The following SYT2 variants were observed in gnomAD, a reference collection of about 807,000 sequenced individuals.
SYT2 encodes the protein synaptotagmin-2.
A neutral mutation model predicts 39.9 loss-of-function variants in SYT2; 15 were observed. That is an observed-to-expected ratio of 0.38 (90% confidence interval 0.25 to 0.58). The LOEUF is 0.58. Ranked by LOEUF, SYT2 falls within the 20% of genes least tolerant of loss-of-function variation. The probability of loss-of-function intolerance (pLI) is 0.70; values close to 1 mark genes in which losing one functional copy is unlikely to be tolerated. For synonymous variants in SYT2, 181 were observed against 204.5 expected (o/e 0.89, Z 0.98); for missense variants, 389 against 530.3 (o/e 0.73, Z 2.62).
chr1:202,624,548 GGT>G (rs965615519), intron 1 of SYT2, among the ~76,000 whole-genome samples: 3 of 125,742 alleles, frequency 2.4e-5, no homozygotes, highest in Admixed American at 7.3e-5. Flanking sequence ...GGATGTGTGT[GGT>G]GTGTGTGGTG....
chr1:202,698,313 T>C (rs756635400), intron 1 of SYT2, among the ~76,000 whole-genome samples: 3 of 152,004 alleles, frequency 2.0e-5, no homozygotes, highest in African/African-American at 7.2e-5. Flanking sequence ...GCCAGGGCAA[T>C]CAATTACCCA....
At chr1:202,669,554 T>C (rs1318738132) in intron 1 of SYT2, among the ~76,000 whole-genome samples, 1 of 151,716 alleles carries the variant, frequency 6.6e-6, no homozygotes, top group East Asian at 1.9e-4. Flanking sequence ...GATCACACCA[T>C]TGCACTCCAG....
intron 1 of SYT2, among the ~76,000 whole-genome samples, chr1:202,709,562 G>A (rs1312084449): frequency 6.6e-6 from 1 of 152,264 alleles, no homozygotes; most frequent in Non-Finnish European, 1.5e-5. Flanking sequence ...CCGCCAGGCT[G>A]CGAGCCTAGC....
At chr1:202,707,376 G>A (rs925050707) in intron 1 of SYT2, among the ~76,000 whole-genome samples, 3 of 152,146 alleles carry the variant, frequency 2.0e-5, no homozygotes, top group Non-Finnish European at 4.4e-5. Context: ...ACTGCACTGA[G>A]TGACCCTGCC....
At chr1:202,657,473 G>T (rs1156740876) in intron 1 of SYT2, among the ~76,000 whole-genome samples, 1 of 152,164 alleles carries the variant, frequency 6.6e-6, no homozygotes, top group African/African-American at 2.4e-5. Flanking sequence ...GGCATGCAGT[G>T]ACTGGGGGCT....
In SYT2 at chr1:202,595,500, T is replaced by A. The variant is rs1363188208; in HGVS notation, c.*1257A>T. ...AGCAAGGAGTGGGAGTCGGGGGAAT[T>A]CCAGTGCTCCCCTATATCTCCTCCC... On this transcript the variant is annotated 3_prime_UTR_variant, in exon 9 of 9. Transcript: ENST00000367268. 1.3e-5 allele frequency: 2 copies of A among 152,224 alleles called. No homozygotes were observed. Among genetic ancestry groups the A allele is most frequent in the African/African-American group, 4.8e-5 (2 of 41,450 alleles). The allele number at this position is 152,224 out of a possible 1,614,324, so 9.4% of individuals were successfully genotyped here.
Position 202,601,845 on chromosome 1 carries a change from G to C in SYT2, c.801+45C>G. On this transcript the variant is annotated intron_variant, in intron 6 of 8. Coordinates refer to ENST00000367268, the MANE Select transcript of SYT2 (RefSeq NM_177402.5). This position sits in a 1 kb window ranked among gnomAD's most constrained non-coding sequence, Gnocchi z 4.0. ...CATGCCAAGAGGTGGAAGCCCACCT[G>C]TACATTCGTCTTTCTGCCCAACCTG... 1.3e-6 allele frequency: 2 copies of C among 1,592,040 alleles called. No homozygotes were observed.
At chr1:202,657,403 G>A (rs1692296289) in intron 1 of SYT2, among the ~76,000 whole-genome samples, 1 of 152,220 alleles carries the variant, frequency 6.6e-6, no homozygotes, top group African/African-American at 2.4e-5. Flanking sequence ...ATTTCCCTGG[G>A]AGGTGGGGTC....
chr1:202,695,925 C>A lies in SYT2; in HGVS notation c.-18+14333G>T, dbSNP rs752053242. On this transcript the variant is annotated intron_variant, in intron 1 of 8. Transcript: ENST00000367268. The stretch of plus-strand genomic sequence containing the variant: ...GTGCACTCCTCCATTTGTGATACCA[C>A]GGTCCCGACTCTGGGCTTGTTCTTC... Among the ~76,000 whole-genome samples, 3 of 152,250 alleles carry A rather than the reference C, an allele frequency of 2.0e-5. No homozygotes were observed. The South Asian group carries it at 6.2e-4, about 31-fold the overall frequency.
At chr1:202,706,818 A>G (rs1654264726) in intron 1 of SYT2, among the ~76,000 whole-genome samples, 1 of 152,238 alleles carries the variant, frequency 6.6e-6, no homozygotes, top group African/African-American at 2.4e-5. Flanking sequence ...TAGGGAATTT[A>G]GAACTGCATC....
chr1:202,664,705 G>A (rs533269072), intron 1 of SYT2, among the ~76,000 whole-genome samples: 149 of 152,318 alleles, frequency 9.8e-4, no homozygotes, highest in African/African-American at 3.4e-3. Flanking sequence ...TGTTGCCCAG[G>A]CTGAAGTGCA....
intron 1 of SYT2, among the ~76,000 whole-genome samples, chr1:202,658,253 A>C (rs188964377): frequency 1.9e-4 from 29 of 152,304 alleles, no homozygotes; most frequent in Admixed American, 1.8e-3. Flanking sequence ...TGACGAGGGC[A>C]TCTGCACTGG....
intron 1 of SYT2, chr1:202,627,540 G>A (rs2149088371): frequency 6.1e-6 from 6 of 985,260 alleles, no homozygotes; most frequent in Non-Finnish European, 7.2e-6. Context: ...GCCTTGCAGT[G>A]CTCCACTATA....
Position 202,593,593 on chromosome 1 carries a change from T to C in SYT2, c.*3164A>G, listed in dbSNP as rs545707807. 2.0e-5 allele frequency: 3 copies of C among 152,342 alleles called. No individual in the cohort carries two copies. The highest frequency in any genetic ancestry group is 1.9e-4 in the East Asian group (1 of 5,176). The allele number at this position is 152,342 out of a possible 1,614,324, so 9.4% of individuals were successfully genotyped here. A position where few individuals can be genotyped will look rare whatever the true frequency, so the allele number is the denominator to read the frequency against. On this transcript the variant is annotated 3_prime_UTR_variant, in exon 9 of 9. Coordinates refer to ENST00000367268, the MANE Select transcript of SYT2 (RefSeq NM_177402.5). ...TCACTTCTCATTCATGCCAAGCACC[T>C]GCCTACTGTCTGAGATTGCCCCAGC...
intron 1 of SYT2, among the ~76,000 whole-genome samples, chr1:202,663,334 A>T (rs1692421606): frequency 6.6e-6 from 1 of 152,194 alleles, no homozygotes; most frequent in African/African-American, 2.4e-5. Context: ...TGCCATGCCG[A>T]CAGTTCAGCC....
At chr1:202,640,814 G>A (rs1167290743) in intron 1 of SYT2, among the ~76,000 whole-genome samples, 1 of 151,186 alleles carries the variant, frequency 6.6e-6, no homozygotes, top group Non-Finnish European at 1.5e-5. Context: ...GAGAGACAGA[G>A]AGACAGTGAG....
chr1:202,600,044 A>G (rs1037933667), intron 7 of SYT2, among the ~76,000 whole-genome samples: 1 of 152,216 alleles, frequency 6.6e-6, no homozygotes, highest in African/African-American at 2.4e-5. Context: ...GCTTTGGGCT[A>G]AGCCCTGCTC....
At chr1:202,656,970 C>T (rs896407421) in intron 1 of SYT2, among the ~76,000 whole-genome samples, 4 of 152,252 alleles carry the variant, frequency 2.6e-5, no homozygotes, top group African/African-American at 9.6e-5. Flanking sequence ...GCCACCATGG[C>T]TTCCCTGGGT....
chr1:202,643,122 G>A (rs1691968390), intron 1 of SYT2, among the ~76,000 whole-genome samples: 2 of 152,350 alleles, frequency 1.3e-5, no homozygotes, highest in East Asian at 1.9e-4. Flanking sequence ...ACCCCGCAGT[G>A]AGCACCAAGT....
Sources: gnomAD v4.1 joint callset for allele counts (sites outside exome capture counted in the v4.1 genomes callset) on GRCh38, gnomAD v4.1.1 for gene constraint, Gnocchi (gnomAD v3.1) non-coding constraint, MANE v1.5 for transcripts, NCBI Gene and HGNC (gene_info 2026-07-23, HGNC 2026-07-21) for gene names.